Variants in TBCD observed in about 807,000 individuals in gnomAD.
TBCD encodes the protein tubulin folding cofactor D, also known as tubulin-specific chaperone D.
TBCD carries 105 observed loss-of-function variants against 169.3 expected under a neutral mutation model. The observed-to-expected ratio is 0.62, with a 90% CI of 0.53 to 0.73. The LOEUF (loss-of-function observed/expected upper bound fraction) is 0.73, where lower values mean the gene tolerates loss of function less well. Ranked by LOEUF, TBCD falls within the 30% of genes least tolerant of loss-of-function variation. TBCD has a pLI of 0.00. For synonymous variants in TBCD, 700 were observed against 643.9 expected, an observed-to-expected ratio of 1.09 and a Z score of -1.32; for missense variants, 1,444 against 1,600.1, an observed-to-expected ratio of 0.90 and a Z score of 1.66.
intron 34 of TBCD, among the ~76,000 whole-genome samples, chr17:82,934,890 G>A (rs140106554): frequency 3.9e-5 from 6 of 152,240 alleles, no homozygotes; most frequent in African/African-American, 7.2e-5. Flanking sequence ...CTTGAGCTCC[G>A]GAGTTTGAGA....
In TBCD at chr17:82,833,354, A is replaced by G. The variant is rs1352790359; in HGVS notation, c.1318+18420A>G. Reference sequence around the variant, plus strand: ...TAAGCACTCGTGGCAGTTTCTGCCCACTTTAGCCACGTCGTTGGTGTATTC... The same window carrying G: ...TAAGCACTCGTGGCAGTTTCTGCCCGCTTTAGCCACGTCGTTGGTGTATTC... On this transcript the variant is annotated intron_variant, in intron 13 of 38. Coordinates refer to ENST00000355528, the MANE Select transcript of TBCD (RefSeq NM_005993.5). The surrounding 1 kb of genome is among the most constrained non-coding windows in gnomAD (Gnocchi z 4.7). Among the ~76,000 whole-genome samples the G allele has an allele frequency of 6.6e-6, 1 of 152,148 alleles. No homozygotes were observed. Among genetic ancestry groups the G allele is most frequent in the African/African-American group, 2.4e-5 (1 of 41,438 alleles).
chr17:82,929,591 C>A, intron 32 of TBCD, 91 bp downstream of exon 32: 1 of 1,529,766 alleles, frequency 6.5e-7, no homozygotes, highest in Non-Finnish European at 8.9e-7. Context: ...GGAGCTGGGC[C>A]TTTTCTTCCA....
intron 14 of TBCD, among the ~76,000 whole-genome samples, chr17:82,883,632 G>T (rs1032557102): frequency 2.6e-5 from 4 of 152,350 alleles, no homozygotes; most frequent in African/African-American, 7.2e-5. Context: ...GGCACGGTGG[G>T]TGTTCATGTG....
intron 17 of TBCD, among the ~76,000 whole-genome samples, chr17:82,896,865 C>T (rs2059524943): frequency 1.3e-5 from 2 of 151,710 alleles, no homozygotes; most frequent in Admixed American, 6.6e-5. Context: ...TCCTTGCCGG[C>T]GCTGGGGGTG....
In TBCD at chr17:82,880,874, T is replaced by C. The variant is rs1006888349; in HGVS notation, c.1476-3271T>C. ...TGGTGGTTTGTGGCCATCCTTGCAG[T>C]GTGAGTGAGCAAGTGGCCGAGGGGT... On this transcript the variant is annotated intron_variant, in intron 14 of 38. Transcript: ENST00000355528. The surrounding 1 kb of genome is among the most constrained non-coding windows in gnomAD (Gnocchi z 5.0). Among the ~76,000 whole-genome samples the C allele has an allele frequency of 6.6e-6, 1 of 151,986 alleles. No individual in the cohort carries two copies. The highest frequency in any genetic ancestry group is 1.5e-5 in the Non-Finnish European group (1 of 67,940).
Position 82,923,974 on chromosome 17 carries a change from C to T in TBCD, c.2260+241C>T, listed in dbSNP as rs772446882. Among the ~76,000 whole-genome samples, 3 of 152,104 alleles carry T rather than the reference C, an allele frequency of 2.0e-5. No homozygotes were observed. The highest frequency in any genetic ancestry group is 2.1e-4 in the South Asian group (1 of 4,824). Reference sequence around the variant, plus strand: ...CTCAGCAGGGACGCGTCTCTGTTGACGGCACCCTCTTGCTCCATCACCCAG... The same window carrying T: ...CTCAGCAGGGACGCGTCTCTGTTGATGGCACCCTCTTGCTCCATCACCCAG... On this transcript the variant is annotated intron_variant, in intron 26 of 38. Transcript: ENST00000355528. This position sits in a 1 kb window ranked among gnomAD's most constrained non-coding sequence, Gnocchi z 4.6.
chr17:82,935,560 T>C (rs2062553986), intron 34 of TBCD, among the ~76,000 whole-genome samples: 1 of 151,860 alleles, frequency 6.6e-6, no homozygotes, highest in South Asian at 2.1e-4. Context: ...GTTTGGGACA[T>C]TTTACTTTTT....
At position 82,824,342 on chromosome 17, in the gene TBCD, C is replaced by T. The variant is rs1188692041; in HGVS notation, c.1318+9408C>T. Among the ~76,000 whole-genome samples, 10 of 151,848 alleles carry T rather than the reference C, an allele frequency of 6.6e-5. No homozygotes were observed. In the South Asian group the frequency reaches 8.4e-4, roughly 13 times the overall value. ...GACTACAGGCGCCCGCCACCATGCC[C>T]GGCTAATTCGTTTTGTATTTTTAGT... On this transcript the variant is annotated intron_variant, in intron 13 of 38. Transcript: ENST00000355528.
intron 33 of TBCD, among the ~76,000 whole-genome samples, chr17:82,931,214 C>G (rs574869484): frequency 1.3e-5 from 2 of 152,226 alleles, no homozygotes; most frequent in African/African-American, 2.4e-5. Flanking sequence ...GGCGGGGCCT[C>G]GGCAGCCTCT....
chr17:82,854,854 C>A (rs966428295), intron 13 of TBCD, among the ~76,000 whole-genome samples: 2 of 152,196 alleles, frequency 1.3e-5, no homozygotes, highest in African/African-American at 4.8e-5. Context: ...GCAGTGGACA[C>A]AAGCCACTTA....
rs760252143 is a variant in TBCD at position 82,768,609 on chromosome 17, T to G, written c.582+43T>G. 1.9e-6 allele frequency: 3 copies of G among 1,600,796 alleles called. No individual in the cohort carries two copies. The South Asian group carries it at 3.3e-5, about 18-fold the overall frequency. On this transcript the variant is annotated intron_variant, in intron 5 of 38. Coordinates refer to ENST00000355528, the MANE Select transcript of TBCD (RefSeq NM_005993.5). ...AATTAGCTGCTAATTAGTACTCACT[T>G]TCATGTTCATGCTGTCTTGATGTTA... is the stretch of plus-strand genomic sequence containing the variant.
At chr17:82,909,622 TGGGTTG>T in intron 22 of TBCD, among the ~76,000 whole-genome samples, 1 of 149,984 alleles carries the variant, frequency 6.7e-6, no homozygotes, top group Non-Finnish European at 1.5e-5. Flanking sequence ...GTTGTGTGAT[TGGGTTG>T]AGTGGGTGTC....
chr17:82,766,137 T>C (rs2048005724), intron 3 of TBCD, 130 bp from the exon 4 acceptor site: 3 of 732,786 alleles, frequency 4.1e-6, no homozygotes, highest in Non-Finnish European at 6.9e-6. Flanking sequence ...ATTGTGTCAC[T>C]GTAATGTCAC....
intron 14 of TBCD, among the ~76,000 whole-genome samples, chr17:82,871,616 T>C (rs2057563284): frequency 6.6e-6 from 1 of 152,214 alleles, no homozygotes; most frequent in Admixed American, 6.5e-5. Context: ...ATGCAGCGTC[T>C]GAAGCTTCCA....
chr17:82,925,159 GC>G, intron 27 of TBCD, 102 bp downstream of exon 27: 1 of 922,984 alleles, frequency 1.1e-6, no homozygotes, highest in Non-Finnish European at 1.6e-6. Flanking sequence ...ACCCATCAGT[GC>G]TTGTAGCTGG....
chr17:82,912,525 GT>G (rs138730886), intron 23 of TBCD, among the ~76,000 whole-genome samples: 6,430 of 152,340 alleles, frequency 0.042, 262 homozygotes, highest in African/African-American at 0.11. Flanking sequence ...GGGCCCTGCT[GT>G]TGTGGACAGC....
chr17:82,806,485 G>C lies in TBCD; in HGVS notation c.1087+474G>C, dbSNP rs565707171. On this transcript the variant is annotated intron_variant, in intron 10 of 38. Transcript: ENST00000355528. The surrounding 1 kb of genome is among the most constrained non-coding windows in gnomAD (Gnocchi z 5.1). ...TGGGGTCTCCTGCTGCACAGAGACA[G>C]AGCCATCAGCGGAGCCCCTCATGGC... 4.9e-4 allele frequency among the ~76,000 whole-genome samples: 74 copies of C among 151,292 alleles called. No individual in the cohort carries two copies. Among genetic ancestry groups the C allele is most frequent in the African/African-American group, 1.5e-3 (62 of 40,646 alleles).
chr17:82,841,103 C>G (rs892902298), intron 13 of TBCD, among the ~76,000 whole-genome samples: 1 of 149,852 alleles, frequency 6.7e-6, no homozygotes, highest in African/African-American at 2.5e-5. Context: ...CCACCACGCC[C>G]GGCTAATTTT....
intron 13 of TBCD, among the ~76,000 whole-genome samples, chr17:82,815,805 G>T (rs2051846715): frequency 6.6e-6 from 1 of 152,096 alleles, no homozygotes; most frequent in African/African-American, 2.4e-5. Context: ...CTTTGCACTT[G>T]GCATTTTGAT....
Sources: allele counts gnomAD v4.1 joint callset (sites outside exome capture counted in the v4.1 genomes callset), GRCh38; gene constraint gnomAD v4.1.1; non-coding constraint Gnocchi (gnomAD v3.1); transcripts MANE v1.5; gene names NCBI Gene and HGNC (gene_info 2026-07-23, HGNC 2026-07-21).